PDGFC: variants seen among roughly 807,000 people sequenced by gnomAD.
PDGFC encodes the protein platelet derived growth factor C.
In PDGFC, 12 loss-of-function variants were observed where a neutral mutation model predicts 35.5. The ratio of observed to expected loss-of-function variants is 0.34; its 90% CI spans 0.22 to 0.55. The LOEUF (loss-of-function observed/expected upper bound fraction) is 0.55, where lower values mean the gene tolerates loss of function less well. Ranked by LOEUF, PDGFC falls within the 20% of genes least tolerant of loss-of-function variation. The probability of loss-of-function intolerance (pLI) is 0.91; values close to 1 mark genes in which losing one functional copy is unlikely to be tolerated. For synonymous variants in PDGFC, 159 were observed against 148.8 expected, an observed-to-expected ratio of 1.07 and a Z score of -0.50; for missense variants, 322 against 412.4, an observed-to-expected ratio of 0.78 and a Z score of 1.90.
chr4:156,791,688 ATTTAT>A (rs1404574224), intron 3 of PDGFC, among the ~76,000 whole-genome samples: 2 of 152,298 alleles, frequency 1.3e-5, no homozygotes, highest in African/African-American at 2.4e-5. Context: ...AATTATATGT[ATTTAT>A]TTTGTTTCCT....
Position 156,968,953 on chromosome 4 carries a change from T to C in PDGFC, c.118+1833A>G, listed in dbSNP as rs188324002. Among the ~76,000 whole-genome samples, 11 of 152,308 alleles carry C rather than the reference T, an allele frequency of 7.2e-5. No homozygotes were observed. In the East Asian group the frequency reaches 1.9e-3, roughly 27 times the overall value. ...GAATCTACTTGGGTAAAGTGGCCTA[T>C]GACCACATGCTGCATGACAGCTCTG... On this transcript the variant is annotated intron_variant, in intron 1 of 5. Transcript: ENST00000502773.
intron 1 of PDGFC, among the ~76,000 whole-genome samples, chr4:156,862,067 T>C (rs548801685): frequency 1.3e-5 from 2 of 152,206 alleles, no homozygotes; most frequent in East Asian, 3.9e-4. Flanking sequence ...TAAAGGGACC[T>C]TGAAGTTAGA....
intron 1 of PDGFC, among the ~76,000 whole-genome samples, chr4:156,945,594 T>C (rs1178486870): frequency 3.9e-5 from 6 of 151,908 alleles, no homozygotes. Context: ...TCAAAGAGGC[T>C]ACTCTCCCTT....
At chr4:156,851,748 G>A (rs1038713260) in intron 1 of PDGFC, among the ~76,000 whole-genome samples, 1 of 151,602 alleles carries the variant, frequency 6.6e-6, no homozygotes, top group African/African-American at 2.4e-5. Flanking sequence ...TCGAGACCAC[G>A]GTGAAATCCC....
chr4:156,873,699 G>A (rs944460147), intron 1 of PDGFC, among the ~76,000 whole-genome samples: 2 of 152,114 alleles, frequency 1.3e-5, no homozygotes, highest in Admixed American at 6.6e-5. Context: ...ATAATGGCTC[G>A]AAGGTCCATG....
chr4:156,943,555 G>C (rs1579116150), intron 1 of PDGFC, among the ~76,000 whole-genome samples: 1 of 152,172 alleles, frequency 6.6e-6, no homozygotes, highest in East Asian at 1.9e-4. Context: ...TGCTTTAAAT[G>C]TTCTCCTGTG....
At chr4:156,858,442 A>G (rs900425515) in intron 1 of PDGFC, among the ~76,000 whole-genome samples, 2 of 152,096 alleles carry the variant, frequency 1.3e-5, no homozygotes, top group Non-Finnish European at 2.9e-5. Context: ...ACCAATTAGT[A>G]ATGAATATAA....
intron 1 of PDGFC, among the ~76,000 whole-genome samples, chr4:156,949,749 T>C (rs957334440): frequency 6.6e-6 from 1 of 151,932 alleles, no homozygotes; most frequent in African/African-American, 2.4e-5. Flanking sequence ...AGAATGACTT[T>C]TGACTTTCTA....
Position 156,880,374 on chromosome 4 carries a change from G to A in PDGFC, c.119-29958C>T, listed in dbSNP as rs146706105. ...TGTGTTCTAGAAATAGAACAACAAA[G>A]CCTGGGTGACAGTATATCTATTTTT... is the stretch of plus-strand genomic sequence containing the variant. On this transcript the variant is annotated intron_variant, in intron 1 of 5. Coordinates refer to ENST00000502773, the MANE Select transcript of PDGFC (RefSeq NM_016205.3). Among the ~76,000 whole-genome samples the A allele has an allele frequency of 1.9e-3, 283 of 151,684 alleles. 1 individual carries two copies. Among genetic ancestry groups the A allele is most frequent in the African/African-American group, 6.6e-3 (271 of 41,362 alleles).
At chr4:156,772,170 C>A (rs959374228) in intron 4 of PDGFC, among the ~76,000 whole-genome samples, 9 of 152,060 alleles carry the variant, frequency 5.9e-5, no homozygotes, top group East Asian at 1.9e-4. Context: ...ACTATGAATT[C>A]TATTTTATGT....
At chr4:156,860,753 TTTAAAC>T (rs1229635656) in intron 1 of PDGFC, among the ~76,000 whole-genome samples, 1 of 152,130 alleles carries the variant, frequency 6.6e-6, no homozygotes, top group Non-Finnish European at 1.5e-5. Context: ...AAATATATGA[TTTAAAC>T]TTAAAGATCT....
intron 1 of PDGFC, among the ~76,000 whole-genome samples, chr4:156,885,487 T>A (rs549617776): frequency 1.3e-5 from 2 of 152,382 alleles, no homozygotes; most frequent in South Asian, 4.1e-4. Flanking sequence ...GCTTTATGCC[T>A]TTAATTTCTA....
chr4:156,897,348 G>GTA (rs1262578261), intron 1 of PDGFC, among the ~76,000 whole-genome samples: 1 of 115,760 alleles, frequency 8.6e-6, no homozygotes, highest in Non-Finnish European at 1.8e-5. Flanking sequence ...GTGTGAGAGT[G>GTA]TATGTGTGTG....
At chr4:156,851,644 C>A (rs980017640) in intron 1 of PDGFC, among the ~76,000 whole-genome samples, 1 of 152,018 alleles carries the variant, frequency 6.6e-6, no homozygotes, top group Non-Finnish European at 1.5e-5. Flanking sequence ...AGGCTCCAGG[C>A]CATAAAAATC....
chr4:156,851,803 C>T (rs537944122), intron 1 of PDGFC, among the ~76,000 whole-genome samples: 1 of 151,334 alleles, frequency 6.6e-6, no homozygotes, highest in Non-Finnish European at 1.5e-5. Context: ...CAGGGGCGGG[C>T]GCCTGTAGTC....
At chr4:156,895,100 C>T (rs28377872) in intron 1 of PDGFC, among the ~76,000 whole-genome samples, 6,882 of 152,102 alleles carry the variant, frequency 0.045, 502 homozygotes, top group African/African-American at 0.15. Flanking sequence ...TATATGCATC[C>T]TAAAGGGGAG....
At chr4:156,847,419 T>C (rs952427193) in intron 2 of PDGFC, among the ~76,000 whole-genome samples, 1 of 151,752 alleles carries the variant, frequency 6.6e-6, no homozygotes, top group Non-Finnish European at 1.5e-5. Context: ...GGGGACATTC[T>C]ACAAAATACC....
At chr4:156,927,846 C>T (rs1731450786) in intron 1 of PDGFC, among the ~76,000 whole-genome samples, 1 of 152,094 alleles carries the variant, frequency 6.6e-6, no homozygotes, top group Non-Finnish European at 1.5e-5. Flanking sequence ...CAGCAGTGCC[C>T]CACTCTACTG....
intron 1 of PDGFC, among the ~76,000 whole-genome samples, chr4:156,946,412 T>A (rs1731948742): frequency 6.6e-6 from 1 of 152,068 alleles, no homozygotes; most frequent in Admixed American, 6.6e-5. Flanking sequence ...ATGATTTCAT[T>A]TATCAATAAA....
Sources: allele counts gnomAD v4.1 joint callset (sites outside exome capture counted in the v4.1 genomes callset), GRCh38; gene constraint gnomAD v4.1.1; transcripts MANE v1.5; gene names NCBI Gene and HGNC (gene_info 2026-07-23, HGNC 2026-07-21).